The following FOCAD variants were observed in gnomAD, a reference collection of about 807,000 sequenced individuals.
The protein encoded by FOCAD is KIAA1797.
In FOCAD, 198 loss-of-function variants were observed where a neutral mutation model predicts 225.6. That is an observed-to-expected ratio of 0.88 (90% CI 0.78 to 0.99). The LOEUF (loss-of-function observed/expected upper bound fraction) is 0.99, where lower values mean the gene tolerates loss of function less well. Among genes scored for constraint, FOCAD ranks in the 50% least tolerant of loss-of-function variants. The probability of loss-of-function intolerance (pLI) is 0.00; values close to 1 mark genes in which losing one functional copy is unlikely to be tolerated. For synonymous variants in FOCAD, 897 were observed against 755.0 expected (o/e 1.19, Z -3.08); for missense variants, 2,713 against 2,123.6 (o/e 1.28, Z -5.46).
intron 35 of FOCAD, among the ~76,000 whole-genome samples, chr9:20,955,795 T>C (rs1333873317): frequency 6.6e-6 from 1 of 152,196 alleles, no homozygotes; most frequent in Non-Finnish European, 1.5e-5. Context: ...TCTGATTTTC[T>C]CAAGATCATA....
intron 7 of FOCAD, among the ~76,000 whole-genome samples, chr9:20,765,554 G>A (rs1829983143): frequency 6.6e-6 from 1 of 152,146 alleles, no homozygotes; most frequent in African/African-American, 2.4e-5. Context: ...ATATGCAGCA[G>A]CTCTCAGGGA....
chr9:20,806,830 G>C (rs1210220275), intron 11 of FOCAD, among the ~76,000 whole-genome samples: 1 of 152,004 alleles, frequency 6.6e-6, no homozygotes, highest in African/African-American at 2.4e-5. Context: ...TAATATTTTG[G>C]TTGCACTAAC....
intron 35 of FOCAD, among the ~76,000 whole-genome samples, chr9:20,975,467 C>A (rs1840148807): frequency 6.6e-6 from 1 of 152,062 alleles, no homozygotes; most frequent in Non-Finnish European, 1.5e-5. Context: ...CTAGAGACTC[C>A]CAAGGTACAG....
At chr9:20,992,747 C>G (rs1841775632) in intron 42 of FOCAD, among the ~76,000 whole-genome samples, 2 of 152,120 alleles carry the variant, frequency 1.3e-5, no homozygotes, top group Admixed American at 1.3e-4. Flanking sequence ...ATCACAAGGT[C>G]AAGAGATCGA....
At chr9:20,800,535 C>T (rs1821681784) in intron 11 of FOCAD, among the ~76,000 whole-genome samples, 1 of 152,088 alleles carries the variant, frequency 6.6e-6, no homozygotes, top group African/African-American at 2.4e-5. Context: ...TTCTTGGAGG[C>T]TTTGTTTGTT....
At chr9:20,685,196 A>ATTTTTTTTTTTTTTTTT (rs397959541) in intron 1 of FOCAD, among the ~76,000 whole-genome samples, 11 of 143,060 alleles carry the variant, frequency 7.7e-5, no homozygotes, top group East Asian at 2.0e-4. Context: ...TGAGTTGGAA[A>ATTTTTTTTTTTTTTTTT]TTTTTTTTTT....
At chr9:20,990,733 G>A (rs1294964295) in intron 42 of FOCAD, among the ~76,000 whole-genome samples, 1 of 152,216 alleles carries the variant, frequency 6.6e-6, no homozygotes, top group Non-Finnish European at 1.5e-5. Flanking sequence ...ATTCAGGATT[G>A]CAAATCGTGT....
chr9:20,786,197 G>A (rs1002527798), intron 10 of FOCAD, among the ~76,000 whole-genome samples: 4 of 152,018 alleles, frequency 2.6e-5, no homozygotes, highest in East Asian at 1.9e-4. Flanking sequence ...TATCATCTTT[G>A]TGCTGAACTT....
chr9:20,868,864 A>G (rs1375426955), intron 18 of FOCAD, among the ~76,000 whole-genome samples: 3 of 152,142 alleles, frequency 2.0e-5, no homozygotes, highest in Admixed American at 2.0e-4. Context: ...TCTGATACTG[A>G]GGACCTATCT....
chr9:20,689,734 G>A (rs1277463810), intron 1 of FOCAD, among the ~76,000 whole-genome samples: 3 of 152,200 alleles, frequency 2.0e-5, no homozygotes, highest in Non-Finnish European at 4.4e-5. Context: ...AAGGGTGACA[G>A]CGCTTCTCTG....
chr9:20,704,636 T>C (rs747371074), intron 1 of FOCAD, among the ~76,000 whole-genome samples: 7 of 152,208 alleles, frequency 4.6e-5, no homozygotes, highest in Non-Finnish European at 7.3e-5. Flanking sequence ...CTGAATTACA[T>C]TGGCCCCTTT....
intron 2 of FOCAD, among the ~76,000 whole-genome samples, chr9:20,662,864 G>C (rs949511174): frequency 1.3e-5 from 2 of 152,252 alleles, no homozygotes; most frequent in Middle Eastern, 3.4e-3. Context: ...TCAATGCATA[G>C]TATACTTAAT....
intron 8 of FOCAD, among the ~76,000 whole-genome samples, chr9:20,778,089 CAAAAAAAAAAA>C (rs1184354592): frequency 4.8e-5 from 4 of 84,186 alleles, no homozygotes; most frequent in African/African-American, 8.8e-5. Flanking sequence ...GACTCCGTCT[CAAAAAAAAAAA>C]AAAAAAAAAA....
intron 11 of FOCAD, among the ~76,000 whole-genome samples, chr9:20,818,407 T>C (rs1823960750): frequency 6.6e-6 from 1 of 152,130 alleles, no homozygotes; most frequent in Non-Finnish European, 1.5e-5. Flanking sequence ...TTGTGGCTTG[T>C]ACTTTTGTTG....
chr9:20,910,913 G>A (rs977781099), intron 22 of FOCAD, among the ~76,000 whole-genome samples: 5 of 152,084 alleles, frequency 3.3e-5, no homozygotes, highest in African/African-American at 9.7e-5. Flanking sequence ...TAGAATGGTC[G>A]TGCTGATTTG....
chr9:20,781,710 A>G lies in FOCAD; in HGVS notation c.995-17A>G, dbSNP rs373731017. The stretch of plus-strand genomic sequence containing the variant: ...GTATTAATTTTTAAAAATGTGCATT[A>G]TTGTTTTGATGAATAGCTTTGAAGC... On this transcript the variant is annotated splice_polypyrimidine_tract_variant and intron_variant, in intron 9 of 43. Coordinates refer to ENST00000338382, the MANE Select transcript of FOCAD (RefSeq NM_001375567.1). 6 of 1,610,700 alleles carry G rather than the reference A, an allele frequency of 3.7e-6. No homozygotes were observed. The highest frequency in any genetic ancestry group is 1.7e-5 in the Admixed American group (1 of 59,998).
chr9:20,756,334 G>A (rs1829047890), intron 5 of FOCAD, among the ~76,000 whole-genome samples: 1 of 152,124 alleles, frequency 6.6e-6, no homozygotes, highest in African/African-American at 2.4e-5. Flanking sequence ...CCCACAAACT[G>A]TGTGGTAGTG....
In FOCAD at chr9:20,833,428, A is replaced by G. The variant is rs188936087; in HGVS notation, c.1920+10313A>G. Among the ~76,000 whole-genome samples, 31 of 152,202 alleles carry G rather than the reference A, an allele frequency of 2.0e-4. No individual in the cohort carries two copies. In the East Asian group the frequency reaches 5.8e-3, roughly 28 times the overall value. ...TTATTATAGGATTAATATTTTTCAA[A>G]TTGATTCCAATATTAACTAAAGATA... On this transcript the variant is annotated intron_variant, in intron 15 of 43. Transcript: ENST00000338382.
intron 11 of FOCAD, among the ~76,000 whole-genome samples, chr9:20,806,524 A>T (rs2131322005): frequency 6.6e-6 from 1 of 152,304 alleles, no homozygotes; most frequent in African/African-American, 2.4e-5. Context: ...AAAACTTGAT[A>T]AGGGGCATCC....
Sources: allele counts gnomAD v4.1 joint callset (sites outside exome capture counted in the v4.1 genomes callset), GRCh38; gene constraint gnomAD v4.1.1; transcripts MANE v1.5; gene names NCBI Gene and HGNC (gene_info 2026-07-23, HGNC 2026-07-21).